The following NCAM2 variants were observed in gnomAD, a reference collection of about 807,000 sequenced individuals.
NCAM2 encodes neural cell adhesion molecule 2, also known as N-CAM-2.
In NCAM2, 30 loss-of-function variants were observed where a neutral mutation model predicts 98.1. The observed-to-expected ratio is 0.31, with a 90% CI of 0.23 to 0.41. The LOEUF (loss-of-function observed/expected upper bound fraction) is 0.41. Among genes scored for constraint, NCAM2 ranks in the 10% least tolerant of loss-of-function variants. The pLI, the probability that NCAM2 is intolerant of heterozygous loss-of-function variation, is 1.00. For synonymous variants in NCAM2, 368 were observed against 342.4 expected (o/e 1.07, Z -0.83); for missense variants, 867 against 1,005.8 (o/e 0.86, Z 1.87).
chr21:21,141,763 C>A (rs2067172494), intron 1 of NCAM2, among the ~76,000 whole-genome samples: 1 of 152,108 alleles, frequency 6.6e-6, no homozygotes, highest in South Asian at 2.1e-4. Flanking sequence ...GACAAGGTGT[C>A]CCAGGCCTAG....
intron 11 of NCAM2, among the ~76,000 whole-genome samples, chr21:21,426,596 G>A (rs145108858): frequency 2.5e-3 from 379 of 152,234 alleles, no homozygotes; most frequent in Admixed American, 4.0e-3. Flanking sequence ...AGGTCAGGAA[G>A]CCCTCCTGCC....
intron 14 of NCAM2, among the ~76,000 whole-genome samples, chr21:21,469,167 AC>A (rs1260235491): frequency 1.3e-5 from 2 of 152,026 alleles, no homozygotes; most frequent in African/African-American, 4.8e-5. Flanking sequence ...ACACCTCAAA[AC>A]AAATTAATCA....
At chr21:21,531,211 A>G (rs1177784544) in intron 16 of NCAM2, among the ~76,000 whole-genome samples, 1 of 152,154 alleles carries the variant, frequency 6.6e-6, no homozygotes, top group Non-Finnish European at 1.5e-5. Flanking sequence ...ATTTATTTAT[A>G]TGATGCTATT....
At chr21:21,035,807 AAAG>A (rs2064785586) in intron 1 of NCAM2, among the ~76,000 whole-genome samples, 1 of 152,180 alleles carries the variant, frequency 6.6e-6, no homozygotes, top group Non-Finnish European at 1.5e-5. Flanking sequence ...TTGGAAGAAA[AAAG>A]AAAGCATCAG....
chr21:21,219,964 A>T (rs1190373160), intron 1 of NCAM2, among the ~76,000 whole-genome samples: 2 of 152,202 alleles, frequency 1.3e-5, no homozygotes, highest in Non-Finnish European at 1.5e-5. Flanking sequence ...TTAAAAGTAG[A>T]AAAAAGCTTA....
chr21:21,177,499 G>A (rs2068333229), intron 1 of NCAM2, among the ~76,000 whole-genome samples: 1 of 152,002 alleles, frequency 6.6e-6, no homozygotes, highest in African/African-American at 2.4e-5. Flanking sequence ...CATTTCCCAT[G>A]AACGACAACC....
At chr21:21,095,327 T>C (rs1358312401) in intron 1 of NCAM2, among the ~76,000 whole-genome samples, 1 of 151,648 alleles carries the variant, frequency 6.6e-6, no homozygotes, top group Non-Finnish European at 1.5e-5. Flanking sequence ...AGACTGTTGA[T>C]AATAAAACTG....
intron 1 of NCAM2, among the ~76,000 whole-genome samples, chr21:21,265,915 A>C (rs1236608747): frequency 6.6e-6 from 1 of 152,148 alleles, no homozygotes; most frequent in Non-Finnish European, 1.5e-5. Context: ...AAAAAATTAT[A>C]GTATAAAAGA....
intron 1 of NCAM2, among the ~76,000 whole-genome samples, chr21:21,031,592 G>A (rs1204378318): frequency 6.6e-6 from 1 of 152,126 alleles, no homozygotes; most frequent in East Asian, 1.9e-4. Context: ...GTTTGGTTTT[G>A]GAAGAGGAAA....
chr21:21,168,732 T>TA (rs1488790726), intron 1 of NCAM2, among the ~76,000 whole-genome samples: 3 of 152,090 alleles, frequency 2.0e-5, no homozygotes, highest in African/African-American at 7.2e-5. Flanking sequence ...AGTATAAATC[T>TA]AAAAAAGTCT....
chr21:21,134,057 T>C (rs2146623921), intron 1 of NCAM2, among the ~76,000 whole-genome samples: 1 of 112,836 alleles, frequency 8.9e-6, no homozygotes, highest in East Asian at 2.5e-4. Flanking sequence ...TGGGTGGCAC[T>C]TCCTCTCTTT....
chr21:21,473,908 A>AC, intron 14 of NCAM2, among the ~76,000 whole-genome samples: 1 of 151,592 alleles, frequency 6.6e-6, no homozygotes, highest in South Asian at 2.1e-4. Context: ...CTGACCAAAA[A>AC]AAAAAAAAAG....
intron 1 of NCAM2, among the ~76,000 whole-genome samples, chr21:21,168,112 C>A (rs533361401): frequency 1.3e-5 from 2 of 151,824 alleles, no homozygotes; most frequent in African/African-American, 4.8e-5. Flanking sequence ...ACTTTACAAC[C>A]GAGTGGGACT....
Position 21,039,795 on chromosome 21 carries a change from CA to C in NCAM2, c.55+41179del, listed in dbSNP as rs111236316. 5.9e-3 allele frequency among the ~76,000 whole-genome samples: 902 copies of C among 152,276 alleles called. 10 individuals are homozygous for C. Among genetic ancestry groups the C allele is most frequent in the African/African-American group, 0.02 (833 of 41,542 alleles). On this transcript the variant is annotated intron_variant, in intron 1 of 17. Transcript: ENST00000400546. The stretch of plus-strand genomic sequence containing the variant: ...GAGGGTCACTTATGTGATTCTCTCT[CA>C]AGTACAGCACTAAGTGTTAGGATTG...
intron 12 of NCAM2, among the ~76,000 whole-genome samples, chr21:21,438,045 C>T (rs755482487): frequency 2.6e-5 from 4 of 152,058 alleles, no homozygotes; most frequent in Non-Finnish European, 5.9e-5. Context: ...TTCTCTGAAG[C>T]ATTTGTTAGA....
chr21:21,447,836 A>G (rs1980420384), intron 12 of NCAM2, among the ~76,000 whole-genome samples: 1 of 152,174 alleles, frequency 6.6e-6, no homozygotes. Flanking sequence ...AATCAAAACC[A>G]TAATGAGATA....
intron 2 of NCAM2, among the ~76,000 whole-genome samples, chr21:21,281,127 G>GC (rs1482921349): frequency 4.6e-5 from 7 of 151,920 alleles, no homozygotes; most frequent in African/African-American, 1.5e-4. Flanking sequence ...AGTGTTAATA[G>GC]CCATAACTTG....
intron 9 of NCAM2, among the ~76,000 whole-genome samples, chr21:21,384,809 T>G (rs1279120503): frequency 6.6e-6 from 1 of 152,096 alleles, no homozygotes; most frequent in East Asian, 1.9e-4. Context: ...ATTCTTAATA[T>G]TAATTTCATT....
chr21:21,083,514 C>G (rs564026037), intron 1 of NCAM2, among the ~76,000 whole-genome samples: 4 of 151,664 alleles, frequency 2.6e-5, no homozygotes, highest in South Asian at 2.1e-4. Context: ...TCTGCCTCCC[C>G]GTGATCCTCC....
Sources: allele counts gnomAD v4.1 joint callset (sites outside exome capture counted in the v4.1 genomes callset), GRCh38; gene constraint gnomAD v4.1.1; transcripts MANE v1.5; gene names NCBI Gene and HGNC (gene_info 2026-07-23, HGNC 2026-07-21).